SLC24A2: variants seen among roughly 807,000 people sequenced by gnomAD.
The protein encoded by SLC24A2 is sodium/potassium/calcium exchanger 2.
SLC24A2 carries 36 observed loss-of-function variants against 62.0 expected under a neutral mutation model. That is an observed-to-expected ratio of 0.58 (90% confidence interval 0.44 to 0.77). The LOEUF (loss-of-function observed/expected upper bound fraction) is 0.77. SLC24A2 is among the 30% of genes least tolerant of loss of function. The pLI, the probability that SLC24A2 is intolerant of heterozygous loss-of-function variation, is 0.00. For missense variants in SLC24A2, 846 were observed against 817.9 expected, an observed-to-expected ratio of 1.03 and a Z score of -0.42; for synonymous variants, 358 against 294.0, an observed-to-expected ratio of 1.22 and a Z score of -2.23.
chr9:19,794,525 G>C, the SLC24A2 span, among the ~76,000 whole-genome samples: 4 of 151,370 alleles, frequency 2.6e-5, no homozygotes, highest in African/African-American at 7.3e-5. Context: ...TCAAACCCCT[G>C]TGACATGCAA....
intron 5 of SLC24A2, 49 bp downstream of exon 5, chr9:19,597,180 A>G (rs771239022): frequency 8.3e-7 from 1 of 1,203,982 alleles, no homozygotes; most frequent in Admixed American, 1.7e-5. Flanking sequence ...AGCAACAGAC[A>G]CCATAAATGT....
Position 19,513,017 on chromosome 9 carries a change from T to G in SLC24A2, c.*3136A>C, listed in dbSNP as rs1832774344. On this transcript the variant is annotated 3_prime_UTR_variant, in exon 11 of 11. Transcript: ENST00000341998. The stretch of plus-strand genomic sequence containing the variant: ...TGAAATCAGGAAGAAATGTTCCCTT[T>G]GGTTTGTGTGCATGACTTTCCTTTT... 1 of 151,764 alleles carries G rather than the reference T, an allele frequency of 6.6e-6. No individual in the cohort carries two copies. Among genetic ancestry groups the G allele is most frequent in the Non-Finnish European group, 1.5e-5 (1 of 67,962 alleles). 9.4% of individuals were successfully genotyped at this position (151,764 alleles called of 1,614,324 possible).
chr9:19,845,081 T>C, the SLC24A2 span, among the ~76,000 whole-genome samples: 5 of 152,198 alleles, frequency 3.3e-5, no homozygotes, highest in East Asian at 1.9e-4. Context: ...AGGAATAGCA[T>C]TGAATCTGTA....
the SLC24A2 span, among the ~76,000 whole-genome samples, chr9:20,179,285 G>C: frequency 6.6e-6 from 1 of 152,250 alleles, no homozygotes; most frequent in South Asian, 2.1e-4. Flanking sequence ...TTCAGGGCAA[G>C]GGTTCTGAGG....
chr9:19,918,738 T>A, the SLC24A2 span, among the ~76,000 whole-genome samples: 1 of 152,160 alleles, frequency 6.6e-6, no homozygotes, highest in Non-Finnish European at 1.5e-5. Context: ...CACCCACATG[T>A]GGTCCAAGAA....
intron 2 of SLC24A2, among the ~76,000 whole-genome samples, chr9:19,687,345 T>C (rs1246713905): frequency 6.6e-6 from 1 of 152,148 alleles, no homozygotes; most frequent in Non-Finnish European, 1.5e-5. Flanking sequence ...AAATGGCATG[T>C]TACTCACCCC....
At chr9:19,958,330 T>C in the SLC24A2 span, among the ~76,000 whole-genome samples, 1 of 152,176 alleles carries the variant, frequency 6.6e-6, no homozygotes, top group Non-Finnish European at 1.5e-5. Context: ...TGCTGACAGA[T>C]ACTAACGAGG....
At chr9:20,186,508 C>T in the SLC24A2 span, among the ~76,000 whole-genome samples, 2 of 152,182 alleles carry the variant, frequency 1.3e-5, no homozygotes, top group African/African-American at 2.4e-5. Flanking sequence ...TACTCCAACA[C>T]ATTGAACTCA....
chr9:19,903,990 G>A, the SLC24A2 span, among the ~76,000 whole-genome samples: 38 of 152,212 alleles, frequency 2.5e-4, no homozygotes, highest in African/African-American at 9.2e-4. Context: ...ATGGATGTTA[G>A]CAGTAAGGGC....
chr9:19,507,667 T>C lies in SLC24A2; in HGVS notation c.*8486A>G, dbSNP rs1832550035. On this transcript the variant is annotated 3_prime_UTR_variant, in exon 11 of 11. Transcript: ENST00000341998. The stretch of plus-strand genomic sequence containing the variant: ...ACAAATAAGTAGAGCTTCCTGTCTA[T>C]GTACAGACATATTCACAGAGAATAA... 1 of 152,230 alleles carries C rather than the reference T, an allele frequency of 6.6e-6. No individual in the cohort carries two copies. Among genetic ancestry groups the C allele is most frequent in the African/African-American group, 2.4e-5 (1 of 41,466 alleles). The allele number at this position is 152,230 out of a possible 1,614,324, so 9.4% of individuals were successfully genotyped here. A position where few individuals can be genotyped will look rare whatever the true frequency, so the allele number is the denominator to read the frequency against.
chr9:19,575,578 A>G (rs893433605), intron 6 of SLC24A2, among the ~76,000 whole-genome samples: 26 of 152,362 alleles, frequency 1.7e-4, no homozygotes, highest in African/African-American at 5.8e-4. Context: ...TTTGAAAAGC[A>G]TTAGCTAGTT....
the SLC24A2 span, among the ~76,000 whole-genome samples, chr9:20,205,378 A>G: frequency 2.0e-5 from 3 of 152,056 alleles, no homozygotes; most frequent in South Asian, 6.2e-4. Flanking sequence ...GCCGGGCGCA[A>G]TGGTTTACAC....
chr9:20,157,834 G>C, the SLC24A2 span, among the ~76,000 whole-genome samples: 6 of 151,690 alleles, frequency 4.0e-5, no homozygotes, highest in East Asian at 9.7e-4. Flanking sequence ...TCATCTATTA[G>C]AGAAACTGTG....
At chr9:20,252,127 G>A in the SLC24A2 span, among the ~76,000 whole-genome samples, 4 of 152,174 alleles carry the variant, frequency 2.6e-5, no homozygotes, top group African/African-American at 9.7e-5. Context: ...ACAAGACAAT[G>A]TGTTCACATT....
intron 2 of SLC24A2, among the ~76,000 whole-genome samples, chr9:19,636,598 C>T (rs146543889): frequency 1.3e-5 from 2 of 151,672 alleles, no homozygotes; most frequent in African/African-American, 2.4e-5. Context: ...ACTTGCCCAG[C>T]TAATTTTCGT....
At chr9:20,227,858 T>C in the SLC24A2 span, among the ~76,000 whole-genome samples, 1 of 152,154 alleles carries the variant, frequency 6.6e-6, no homozygotes, top group Non-Finnish European at 1.5e-5. Context: ...GACTGGGTAG[T>C]CTGAAATACA....
intron 2 of SLC24A2, among the ~76,000 whole-genome samples, chr9:19,707,928 T>G (rs1820583860): frequency 6.6e-6 from 1 of 152,052 alleles, no homozygotes; most frequent in Admixed American, 6.6e-5. Flanking sequence ...GAGAAGGAAA[T>G]AAAGGGTATT....
At chr9:19,564,369 G>C (rs754508540) in intron 7 of SLC24A2, among the ~76,000 whole-genome samples, 1 of 152,162 alleles carries the variant, frequency 6.6e-6, no homozygotes, top group Non-Finnish European at 1.5e-5. Flanking sequence ...ACTCCACTGA[G>C]TTTAGGTAAA....
the SLC24A2 span, among the ~76,000 whole-genome samples, chr9:19,843,299 C>T: frequency 1.1e-4 from 17 of 152,224 alleles, no homozygotes; most frequent in South Asian, 3.3e-3. Flanking sequence ...GTCAGGAGTT[C>T]GAGACCAGCC....
Sources: gnomAD v4.1 joint callset for allele counts (sites outside exome capture counted in the v4.1 genomes callset) on GRCh38, gnomAD v4.1.1 for gene constraint, MANE v1.5 for transcripts, NCBI Gene and HGNC (gene_info 2026-07-23, HGNC 2026-07-21) for gene names.